Variants in GRHL1 observed in about 807,000 individuals in gnomAD.
The protein encoded by GRHL1 is grainyhead-like protein 1 homolog.
A neutral mutation model predicts 75.7 loss-of-function variants in GRHL1; 38 were observed. The ratio of observed to expected loss-of-function variants is 0.50; its 90% confidence interval spans 0.39 to 0.66. GRHL1 has a LOEUF of 0.66. Ranked by LOEUF, GRHL1 falls within the 30% of genes least tolerant of loss-of-function variation. The pLI is 0.00. For missense variants in GRHL1, 589 were observed against 767.5 expected, an observed-to-expected ratio of 0.77 and a Z score of 2.75; for synonymous variants, 266 against 279.4, an observed-to-expected ratio of 0.95 and a Z score of 0.48.
rs761568871 is a variant in GRHL1, at chr2:9,996,388, G to C, written c.1664G>C (p.Gly555Ala). The change falls in exon 14 of 16, where the codon GGC (glycine) becomes GCC (alanine). Residue 555 changes from glycine (G) to alanine (A), a missense_variant. Around this residue, in one of 5 missense-constraint regions of GRHL1, gnomAD observed 192 missense variants for 226.6 expected, o/e 0.85. Coordinates refer to ENST00000324907, the MANE Select transcript of GRHL1 (RefSeq NM_198182.3). Reference sequence around the variant, plus strand: ...ATGCTCAAAACCCCATCTTTGAAGGGCTTGATGGAAGCTGTAAGTAGGATC... The same window carrying C: ...ATGCTCAAAACCCCATCTTTGAAGGCCTTGATGGAAGCTGTAAGTAGGATC... ...ALMLKTPSLK[G>A]LMEAISDKYD... 6.2e-7 allele frequency: 1 copy of C among 1,605,886 alleles called. No individual in the cohort carries two copies. Among genetic ancestry groups the C allele is most frequent in the South Asian group, 1.1e-5 (1 of 90,876 alleles).
At chr2:9,999,078 C>G (rs778869700) in intron 15 of GRHL1, 49 bp downstream of exon 15, 1 of 967,278 alleles carries the variant, frequency 1.0e-6, no homozygotes, top group African/African-American at 1.7e-5. Flanking sequence ...TGATGCCCCC[C>G]GCAGTGCTAG....
At chr2:9,996,866 G>A (rs1668882759) in intron 14 of GRHL1, among the ~76,000 whole-genome samples, 1 of 152,172 alleles carries the variant, frequency 6.6e-6, no homozygotes, top group South Asian at 2.1e-4. Flanking sequence ...AGTGATGGCC[G>A]TAAGTCCATC....
chr2:9,964,244 A>C lies in GRHL1; in HGVS notation c.913A>C (p.Met305Leu). 6.3e-7 allele frequency: 1 copy of C among 1,599,576 alleles called. No individual in the cohort carries two copies. The highest frequency in any genetic ancestry group is 8.6e-7 in the Non-Finnish European group (1 of 1,168,262). Residue 305 changes from methionine (M) to leucine (L), a missense_variant, in exon 7 of 16, where the codon ATG becomes CTG. Met to Leu is a conservative substitution (Grantham distance 15, BLOSUM62 2). Coordinates refer to ENST00000324907, the MANE Select transcript of GRHL1 (RefSeq NM_198182.3). ...GCATTCTCTTTCACAGAGTGTGATC[A>C]TGGTGGTTTTTGCTGAAGACAAAAG... ...HPISKVRSVI[M>L]VVFAEDKSRE...
chr2:9,985,784 C>A (rs1021287133), intron 8 of GRHL1, among the ~76,000 whole-genome samples: 1 of 152,166 alleles, frequency 6.6e-6, no homozygotes, highest in African/African-American at 2.4e-5. Flanking sequence ...GCAGAGGGAG[C>A]TATGCTATTG....
In GRHL1 at chr2:10,000,884, A is replaced by C; in HGVS notation, c.*177A>C. The C allele has an allele frequency of 4.2e-6, 2 of 476,666 alleles. No individual in the cohort carries two copies. Among genetic ancestry groups the C allele is most frequent in the South Asian group, 4.2e-5 (1 of 24,096 alleles). 29.5% of individuals were successfully genotyped at this position (476,666 alleles called of 1,614,324 possible). A position where few individuals can be genotyped will look rare whatever the true frequency, so the allele number is the denominator to read the frequency against. On this transcript the variant is annotated 3_prime_UTR_variant, in exon 16 of 16. Transcript: ENST00000324907. The stretch of plus-strand genomic sequence containing the variant: ...CTGGCTTGGTGGTAGCATTTAATCT[A>C]TTGCATTGGTGTTTTTCAGATGAAA...
intron 6 of GRHL1, 71 bp downstream of exon 6, chr2:9,964,113 C>T: frequency 6.9e-7 from 1 of 1,445,868 alleles, no homozygotes. Context: ...TCTGAAGCAG[C>T]TCTGAATGAC....
chr2:9,964,384 G>A (rs1667401970), intron 7 of GRHL1, 38 bp downstream of exon 7: 2 of 1,070,606 alleles, frequency 1.9e-6, no homozygotes, highest in Non-Finnish European at 2.8e-6. Context: ...TCCCAGAGGT[G>A]CAGCCATCCA....
rs1039825511 is a variant in GRHL1, at chr2:10,001,080, G to A, written c.*373G>A. On this transcript the variant is annotated 3_prime_UTR_variant, in exon 16 of 16. Coordinates refer to ENST00000324907, the MANE Select transcript of GRHL1 (RefSeq NM_198182.3). ...TGCCTACAGTGTCGTGGGCCTGCTC[G>A]CTAGCAGAAGTCAGAAAAGGCGATA... 1 of 157,346 alleles carries A rather than the reference G, an allele frequency of 6.4e-6. No individual in the cohort carries two copies. Among genetic ancestry groups the A allele is most frequent in the Non-Finnish European group, 1.4e-5 (1 of 71,106 alleles). The allele number at this position is 157,346 out of a possible 1,614,324, so 9.7% of individuals were successfully genotyped here. A position where few individuals can be genotyped will look rare whatever the true frequency, so the allele number is the denominator to read the frequency against.
chr2:9,958,318 A>G (rs1667123912), intron 2 of GRHL1, among the ~76,000 whole-genome samples: 2 of 151,946 alleles, frequency 1.3e-5, no homozygotes, highest in Non-Finnish European at 2.9e-5. Flanking sequence ...AGCTGAGACT[A>G]CAGGCACATG....
intron 9 of GRHL1, among the ~76,000 whole-genome samples, chr2:9,988,767 T>G (rs1216985699): frequency 6.6e-6 from 1 of 152,212 alleles, no homozygotes; most frequent in Non-Finnish European, 1.5e-5. Flanking sequence ...TGCCTGCTGG[T>G]CAGGGCCTTC....
intron 2 of GRHL1, among the ~76,000 whole-genome samples, chr2:9,955,978 G>T (rs1426361028): frequency 6.6e-6 from 1 of 152,220 alleles, no homozygotes; most frequent in African/African-American, 2.4e-5. Context: ...TTGTCACTCT[G>T]TGTGACTAAC....
chr2:9,983,776 CTT>C lies in GRHL1; in HGVS notation c.1111-2336_1111-2335del, dbSNP rs71391180. Among the ~76,000 whole-genome samples the C allele has an allele frequency of 1.5e-3, 222 of 144,064 alleles. 1 individual carries two copies. The highest frequency in any genetic ancestry group is 5.3e-3 in the African/African-American group (208 of 39,472). The allele number at this position is 144,064 out of a possible 152,430, so 94.5% of individuals were successfully genotyped here. On this transcript the variant is annotated intron_variant, in intron 8 of 15. Transcript: ENST00000324907. The stretch of plus-strand genomic sequence containing the variant: ...TACTTTGCTTAGTTGTTTGCATGGA[CTT>C]TTTTTTTTTTTAAACCTGAATGCAT...
intron 14 of GRHL1, among the ~76,000 whole-genome samples, chr2:9,997,026 A>G (rs756939079): frequency 1.3e-5 from 2 of 152,204 alleles, no homozygotes; most frequent in African/African-American, 2.4e-5. Context: ...CTGAGTGCAG[A>G]TATTTACCAG....
Position 9,964,279 on chromosome 2 carries a change from T to A in GRHL1, c.948T>A (p.Asp316Glu). Residue 316 changes from aspartate (D) to glutamate (E), a missense_variant, in exon 7 of 16, where the codon GAT becomes GAA. By Grantham distance (45) the Asp-to-Glu change is conservative (BLOSUM62 2). Coordinates refer to ENST00000324907, the MANE Select transcript of GRHL1 (RefSeq NM_198182.3). ...TTGCTGAAGACAAAAGCAGAGAAGA[T>A]CAGTTAAGGCATTGGAAGTACTGGC... ...VVFAEDKSRE[D>E]QLRHWKYWHS... is the part of the protein sequence containing the mutation. 1 of 1,613,034 alleles carries A rather than the reference T, an allele frequency of 6.2e-7. No homozygotes were observed. Among genetic ancestry groups the A allele is most frequent in the Non-Finnish European group, 8.5e-7 (1 of 1,179,110 alleles).
chr2:9,986,192 T>A lies in GRHL1; in HGVS notation c.1179T>A (p.Leu393=). ...AGAAGGGAGTGAAGGGGTTGCCTCT[T>A]AACATTCAAGTTGATACCTATAGTT... ...SSQKGVKGLP[L]NIQVDTYSYN... is the part of the protein sequence containing the mutation. Residue 393 remains leucine (L), a synonymous_variant, in exon 9 of 16, where the codon CTT becomes CTA. Coordinates refer to ENST00000324907, the MANE Select transcript of GRHL1 (RefSeq NM_198182.3). 5 of 1,613,730 alleles carry A rather than the reference T, an allele frequency of 3.1e-6. No homozygotes were observed. The highest frequency in any genetic ancestry group is 4.2e-6 in the Non-Finnish European group (5 of 1,179,776).
chr2:9,958,181 T>C (rs920869030), intron 2 of GRHL1, among the ~76,000 whole-genome samples: 1 of 150,672 alleles, frequency 6.6e-6, no homozygotes, highest in Non-Finnish European at 1.5e-5. Context: ...TTTCTTTTTT[T>C]TTTTTTTTTT....
At chr2:9,997,760 T>G (rs557465059) in intron 14 of GRHL1, among the ~76,000 whole-genome samples, 3 of 149,822 alleles carry the variant, frequency 2.0e-5, no homozygotes, top group Non-Finnish European at 4.4e-5. Context: ...GAGGTGGAGG[T>G]TGTAGTGAGC....
rs1292553862 is a variant in GRHL1, at chr2:9,968,064, A to T, written c.1110+2683A>T. On this transcript the variant is annotated intron_variant, in intron 8 of 15. Coordinates refer to ENST00000324907, the MANE Select transcript of GRHL1 (RefSeq NM_198182.3). This position sits in a 1 kb window ranked among gnomAD's most constrained non-coding sequence, Gnocchi z 4.7. ...TTTTGGCCATGCCAGGATGAGTAAA[A>T]CTGAAAATCTGTCAACATCTGAATC... is the stretch of plus-strand genomic sequence containing the variant. Among the ~76,000 whole-genome samples the T allele has an allele frequency of 6.6e-6, 1 of 152,164 alleles. No individual in the cohort carries two copies. Among genetic ancestry groups the T allele is most frequent in the Non-Finnish European group, 1.5e-5 (1 of 68,034 alleles).
chr2:10,000,584 C>T lies in GRHL1; in HGVS notation c.1743-9C>T, dbSNP rs373525606. ...GTGAAGTTGGTTGGTCTTGTCCCCC[C>T]CCATCCAGGATCCTGGTGAACATGG... On this transcript the variant is annotated splice_polypyrimidine_tract_variant and intron_variant, in intron 15 of 15. Coordinates refer to ENST00000324907, the MANE Select transcript of GRHL1 (RefSeq NM_198182.3). 22 of 1,563,350 alleles carry T rather than the reference C, an allele frequency of 1.4e-5. No homozygotes were observed. The highest frequency in any genetic ancestry group is 1.9e-5 in the Non-Finnish European group (22 of 1,134,688).
Sources: gnomAD v4.1 joint callset for allele counts (sites outside exome capture counted in the v4.1 genomes callset) on GRCh38, gnomAD v4.1.1 for gene constraint, gnomAD v4.1.1 regional missense constraint, Gnocchi (gnomAD v3.1) non-coding constraint, MANE v1.5 for transcripts, NCBI Gene and HGNC (gene_info 2026-07-23, HGNC 2026-07-21) for gene names.